PTP4A1: variants seen among roughly 807,000 people sequenced by gnomAD.
PTP4A1 encodes protein tyrosine phosphatase type IVA 1.
PTP4A1 carries 9 observed loss-of-function variants against 20.5 expected under a neutral mutation model. The observed-to-expected ratio is 0.44, with a 90% confidence interval of 0.26 to 0.77. PTP4A1 has a LOEUF of 0.77. PTP4A1 is among the 30% of genes least tolerant of loss of function. PTP4A1 has a pLI of 0.19. For synonymous variants in PTP4A1, 78 were observed against 67.4 expected, an observed-to-expected ratio of 1.16 and a Z score of -0.77; for missense variants, 137 against 218.8, an observed-to-expected ratio of 0.63 and a Z score of 2.36.
chr6:63,578,037 A>T (rs1054043487), intron 2 of PTP4A1, among the ~76,000 whole-genome samples: 2 of 152,080 alleles, frequency 1.3e-5, no homozygotes, highest in African/African-American at 4.8e-5. Context: ...GTGAAGTCAG[A>T]TTACCCGATT....
intron 3 of PTP4A1, among the ~76,000 whole-genome samples, chr6:63,560,354 A>AAAAAAAAG (rs1776886941): frequency 6.7e-6 from 1 of 149,726 alleles, no homozygotes; most frequent in African/African-American, 2.5e-5. Context: ...AAAAAAAAAA[A>AAAAAAAAG]AAAGAAAGAA....
At chr6:63,559,860 C>A (rs1193835832) in intron 3 of PTP4A1, among the ~76,000 whole-genome samples, 2 of 152,098 alleles carry the variant, frequency 1.3e-5, no homozygotes, top group Non-Finnish European at 2.9e-5. Flanking sequence ...CTCCTGGGCT[C>A]AAACAATCCT....
At chr6:63,518,350 CT>C (rs1774806277), upstream of PTP4A1, among the ~76,000 whole-genome samples, 1 of 152,042 alleles carries the variant, frequency 6.6e-6, no homozygotes, top group Non-Finnish European at 1.5e-5. Context: ...AAACTAACAG[CT>C]TAGGTATCTT....
chr6:63,531,299 G>T (rs1282461734), intron 2 of PTP4A1, among the ~76,000 whole-genome samples: 2 of 152,112 alleles, frequency 1.3e-5, no homozygotes. Context: ...GGAATGAAGG[G>T]CAAATACCGA....
At chr6:63,549,385 C>T (rs1776338577) in intron 2 of PTP4A1, 1 of 754,154 alleles carries the variant, frequency 1.3e-6, no homozygotes, top group Non-Finnish European at 2.4e-6. Context: ...AATGTCCTGT[C>T]CAATGTCAAA....
At chr6:63,526,341 TAAA>T (rs1490135040) in intron 1 of PTP4A1, among the ~76,000 whole-genome samples, 1 of 151,514 alleles carries the variant, frequency 6.6e-6, no homozygotes, top group Non-Finnish European at 1.5e-5. Context: ...AATAAATAAA[TAAA>T]AGAAATTTCC....
In PTP4A1 at chr6:63,582,423, C is replaced by G. The variant is rs549881852; in HGVS notation, c.*2249C>G. The G allele has an allele frequency of 6.6e-6, 1 of 152,590 alleles. No individual in the cohort carries two copies. Among genetic ancestry groups the G allele is most frequent in the South Asian group, 2.1e-4 (1 of 4,820 alleles). The allele number at this position is 152,590 out of a possible 1,614,324, so 9.5% of individuals were successfully genotyped here. ...AAAATAAATTAATTTACTTTATAAA[C>G]CTTATCTGTACATTATACGATGTGA... On this transcript the variant is annotated 3_prime_UTR_variant, in exon 6 of 6. Coordinates refer to ENST00000626021, the MANE Select transcript of PTP4A1 (RefSeq NM_003463.5).
chr6:63,532,902 A>G (rs1775532825), intron 2 of PTP4A1, among the ~76,000 whole-genome samples: 1 of 152,184 alleles, frequency 6.6e-6, no homozygotes, highest in Non-Finnish European at 1.5e-5. Context: ...TAGCTAATCC[A>G]TTAATAATTA....
intron 4 of PTP4A1, 110 bp from the exon 5 acceptor site, chr6:63,579,147 A>G: frequency 1.5e-6 from 2 of 1,375,344 alleles, no homozygotes; most frequent in Middle Eastern, 1.9e-4. Context: ...GGTATTACTT[A>G]AATAGGAAGG....
At chr6:63,533,449 T>A (rs1057141948) in intron 2 of PTP4A1, among the ~76,000 whole-genome samples, 3 of 152,174 alleles carry the variant, frequency 2.0e-5, no homozygotes, top group Admixed American at 6.5e-5. Flanking sequence ...TTACACAGAA[T>A]AATTACATGA....
At chr6:63,548,651 A>G in intron 2 of PTP4A1, 1 of 423,282 alleles carries the variant, frequency 2.4e-6, no homozygotes, top group South Asian at 2.9e-5. Flanking sequence ...TAATTTTTCA[A>G]GGAAAATTTG....
chr6:63,519,465 C>CG (rs1774845952), upstream of PTP4A1, among the ~76,000 whole-genome samples: 2 of 152,142 alleles, frequency 1.3e-5, no homozygotes, highest in Non-Finnish European at 2.9e-5. Context: ...TGAAACTGTA[C>CG]TATGTCCTGT....
chr6:63,526,946 C>T (rs1775216606), intron 1 of PTP4A1, among the ~76,000 whole-genome samples: 1 of 151,546 alleles, frequency 6.6e-6, no homozygotes, highest in Non-Finnish European at 1.5e-5. Flanking sequence ...TGATGTTATG[C>T]ACTTCTTCAA....
At chr6:63,570,543 G>T (rs1581943923), upstream of PTP4A1, among the ~76,000 whole-genome samples, 1 of 152,310 alleles carries the variant, frequency 6.6e-6, no homozygotes, top group Non-Finnish European at 1.5e-5. Context: ...GGTAATTACA[G>T]GATCTGTGGA....
intron 2 of PTP4A1, 45 bp downstream of exon 2, chr6:63,577,030 A>G: frequency 6.9e-7 from 1 of 1,451,642 alleles, no homozygotes; most frequent in Non-Finnish European, 9.6e-7. Flanking sequence ...TTGCAATATA[A>G]TAGTGGGACT....
chr6:63,562,862 A>G (rs966565331), intron 3 of PTP4A1, among the ~76,000 whole-genome samples: 18 of 152,212 alleles, frequency 1.2e-4, no homozygotes, highest in Non-Finnish European at 2.4e-4. Context: ...CTACAAACAT[A>G]TTGCTAATGA....
At chr6:63,524,961 A>G (rs1484888105) in intron 1 of PTP4A1, among the ~76,000 whole-genome samples, 1 of 152,238 alleles carries the variant, frequency 6.6e-6, no homozygotes, top group Non-Finnish European at 1.5e-5. Context: ...AGAAAGTAAA[A>G]TTAATTATTG....
At chr6:63,576,341 AAT>A (rs1491479739) in intron 1 of PTP4A1, 93 bp from the exon 2 acceptor site, 1 of 395,240 alleles carries the variant, frequency 2.5e-6, no homozygotes, top group East Asian at 3.6e-5. Context: ...GCTTTAGAAA[AAT>A]AGTTGTGTAC....
upstream of PTP4A1, among the ~76,000 whole-genome samples, chr6:63,521,270 C>T (rs759756716): frequency 5.9e-5 from 9 of 151,936 alleles, no homozygotes; most frequent in Non-Finnish European, 1.3e-4. Flanking sequence ...AAGAAAAAAA[C>T]GGCAAATAAT....
Sources: allele counts gnomAD v4.1 joint callset (sites outside exome capture counted in the v4.1 genomes callset), GRCh38; gene constraint gnomAD v4.1.1; transcripts MANE v1.5; gene names NCBI Gene and HGNC (gene_info 2026-07-23, HGNC 2026-07-21).